The following ROBO2 variants were observed in gnomAD, a reference collection of about 807,000 sequenced individuals.
The protein encoded by ROBO2 is roundabout guidance receptor 2.
Under a neutral mutation model 160.8 loss-of-function variants are expected in ROBO2, and 53 were observed. The ratio of observed to expected loss-of-function variants is 0.33; its 90% confidence interval spans 0.26 to 0.41. The LOEUF is 0.41. ROBO2 is among the 10% of genes least tolerant of loss of function. The probability of loss-of-function intolerance (pLI) is 1.00; values close to 1 mark genes in which losing one functional copy is unlikely to be tolerated. For missense variants in ROBO2, 1,577 were observed against 1,722.4 expected, an observed-to-expected ratio of 0.92 and a Z score of 1.49; for synonymous variants, 664 against 611.7, an observed-to-expected ratio of 1.09 and a Z score of -1.26.
chr3:77,500,034 G>T (rs2087353759), intron 5 of ROBO2, among the ~76,000 whole-genome samples: 1 of 152,108 alleles, frequency 6.6e-6, no homozygotes, highest in Admixed American at 6.6e-5. Flanking sequence ...CCTTTAGTAA[G>T]CTATACATTC....
rs570732017 is a variant in ROBO2 at position 75,938,168 on chromosome 3, T to TA, written c.109+568dup. Among the ~76,000 whole-genome samples the TA allele has an allele frequency of 1.9e-4, 29 of 152,018 alleles. 1 individual carries two copies. The South Asian group carries it at 6.0e-3, about 32-fold the overall frequency. Reference sequence around the variant, plus strand: ...GGAAATTAATGATAGAGTGGAGCTGTAAGGTTGTGGCATCCTGAAATGTCT... The same window carrying TA: ...GGAAATTAATGATAGAGTGGAGCTGTAAAGGTTGTGGCATCCTGAAATGTCT... On this transcript the variant is annotated intron_variant, in intron 2 of 26. Coordinates refer to the ROBO2 transcript ENST00000487694.
At chr3:76,064,110 C>G (rs1235870707) in intron 2 of ROBO2, among the ~76,000 whole-genome samples, 1 of 152,152 alleles carries the variant, frequency 6.6e-6, no homozygotes, top group African/African-American at 2.4e-5. Flanking sequence ...AAAAGACCTC[C>G]AAGTTTCACG....
intron 1 of ROBO2, among the ~76,000 whole-genome samples, chr3:77,088,000 G>A (rs899421122): frequency 7.2e-5 from 11 of 151,994 alleles, no homozygotes; most frequent in Admixed American, 1.3e-4. Flanking sequence ...CACTCCCTAC[G>A]GGTGCTGAGG....
rs559768146 is a variant in ROBO2, at chr3:77,170,417, CT to C, written c.388+72079del. On this transcript the variant is annotated intron_variant, in intron 2 of 25. Transcript: ENST00000461745. ...CATTTAGGTGGCTTATAAATAATAC[CT>C]TAAAGCACTTAAAATGATAAGAATT... Among the ~76,000 whole-genome samples the C allele has an allele frequency of 3.9e-3, 592 of 151,918 alleles. 5 individuals carry two copies. The highest frequency in any genetic ancestry group is 4.8e-3 in the Non-Finnish European group (328 of 67,962).
chr3:76,750,911 T>C (rs1329213409), intron 2 of ROBO2, among the ~76,000 whole-genome samples: 4 of 151,954 alleles, frequency 2.6e-5, no homozygotes, highest in African/African-American at 4.8e-5. Flanking sequence ...CATCAAGCTA[T>C]CAATGACTTT....
intron 2 of ROBO2, among the ~76,000 whole-genome samples, chr3:76,140,266 A>G (rs2071581627): frequency 6.6e-6 from 1 of 152,056 alleles, no homozygotes. Context: ...TCATTTTTAT[A>G]TCATTCATTC....
chr3:76,677,359 G>A (rs1234993929), intron 2 of ROBO2, among the ~76,000 whole-genome samples: 2 of 152,142 alleles, frequency 1.3e-5, no homozygotes, highest in Non-Finnish European at 2.9e-5. Flanking sequence ...CCCAACCCAG[G>A]TGCACAAGAG....
intron 2 of ROBO2, among the ~76,000 whole-genome samples, chr3:76,686,580 G>A (rs1473391106): frequency 6.6e-6 from 1 of 152,066 alleles, no homozygotes. Flanking sequence ...TCCATGAGGA[G>A]ACTTGCAATA....
At chr3:77,633,165 G>A (rs1312279455) in intron 23 of ROBO2, 3 of 152,060 alleles carry the variant, frequency 2.0e-5, no homozygotes, top group Non-Finnish European at 4.4e-5. Flanking sequence ...TAATTGTTTG[G>A]CTAGTAAGAT....
chr3:76,992,733 A>G (rs1441084695), intron 2 of ROBO2, among the ~76,000 whole-genome samples: 3 of 152,082 alleles, frequency 2.0e-5, no homozygotes, highest in Non-Finnish European at 4.4e-5. Context: ...GTCACAAGAA[A>G]TGGTATAGCT....
chr3:77,489,320 G>A (rs79876945), intron 4 of ROBO2, among the ~76,000 whole-genome samples: 3,620 of 152,226 alleles, frequency 0.024, 50 homozygotes, highest in South Asian at 0.041. Flanking sequence ...TCCAAAAATT[G>A]TATACCACAT....
At chr3:76,256,036 C>T (rs986588867) in intron 2 of ROBO2, among the ~76,000 whole-genome samples, 22 of 152,002 alleles carry the variant, frequency 1.4e-4, no homozygotes, top group African/African-American at 4.8e-4. Flanking sequence ...CAGTGGTTCA[C>T]GCCTGTAACC....
intron 2 of ROBO2, among the ~76,000 whole-genome samples, chr3:77,423,271 A>G (rs749985895): frequency 4.6e-5 from 7 of 152,130 alleles, no homozygotes; most frequent in Non-Finnish European, 8.8e-5. Context: ...TGTCATATTA[A>G]TTGCATATTT....
At chr3:76,987,786 G>T (rs543529089) in intron 2 of ROBO2, among the ~76,000 whole-genome samples, 1 of 152,106 alleles carries the variant, frequency 6.6e-6, no homozygotes, top group South Asian at 2.1e-4. Context: ...GCATTTCCTT[G>T]GGAATAGTTT....
At chr3:76,046,579 C>G in intron 2 of ROBO2, among the ~76,000 whole-genome samples, 1 of 151,822 alleles carries the variant, frequency 6.6e-6, no homozygotes, top group Admixed American at 6.6e-5. Context: ...ACCCGGGAGG[C>G]GGAGCTTGCA....
At chr3:76,593,043 G>T (rs180904618) in intron 2 of ROBO2, among the ~76,000 whole-genome samples, 4 of 152,108 alleles carry the variant, frequency 2.6e-5, no homozygotes, top group Non-Finnish European at 5.9e-5. Flanking sequence ...ACAAATAATT[G>T]TAAGTAATAA....
chr3:76,531,956 C>A (rs2082253854), intron 2 of ROBO2, among the ~76,000 whole-genome samples: 2 of 152,116 alleles, frequency 1.3e-5, no homozygotes, highest in African/African-American at 4.8e-5. Flanking sequence ...AAGTACTCTG[C>A]CCAATGTGAC....
intron 13 of ROBO2, among the ~76,000 whole-genome samples, chr3:77,569,259 A>G (rs1045859318): frequency 5.9e-5 from 9 of 151,994 alleles, no homozygotes; most frequent in Non-Finnish European, 1.3e-4. Flanking sequence ...AGCATTTTCT[A>G]TTCTCACTAG....
intron 1 of ROBO2, among the ~76,000 whole-genome samples, chr3:75,913,800 T>C (rs1221320755): frequency 6.6e-6 from 1 of 152,218 alleles, no homozygotes; most frequent in African/African-American, 2.4e-5. Flanking sequence ...TTGGTGTTTT[T>C]TTAACCTTTG....
Sources: allele counts gnomAD v4.1 joint callset (sites outside exome capture counted in the v4.1 genomes callset), GRCh38; gene constraint gnomAD v4.1.1; transcripts MANE v1.5; gene names NCBI Gene and HGNC (gene_info 2026-07-23, HGNC 2026-07-21).